The following ELOVL5 variants were observed in gnomAD, a reference collection of about 807,000 sequenced individuals.
ELOVL5 encodes very long chain fatty acid elongase 5.
A neutral mutation model predicts 38.6 loss-of-function variants in ELOVL5; 8 were observed. The observed-to-expected ratio is 0.21, with a 90% CI of 0.12 to 0.37. ELOVL5 has a LOEUF of 0.37. ELOVL5 is among the 10% of genes least tolerant of loss of function. The pLI is 1.00. For synonymous variants in ELOVL5, 127 were observed against 133.7 expected, an observed-to-expected ratio of 0.95 and a Z score of 0.34; for missense variants, 280 against 367.8, an observed-to-expected ratio of 0.76 and a Z score of 1.95.
intron 1 of ELOVL5, among the ~76,000 whole-genome samples, chr6:53,306,254 GAGAGGGA>G (rs1767550570): frequency 1.1e-3 from 1 of 904 alleles, no homozygotes; most frequent in Non-Finnish European, 1.7e-3. Context: ...GGGGAGAGGG[GAGAGGGA>G]GAGGGGAGAG....
chr6:53,316,650 A>G (rs1260336204), intron 1 of ELOVL5, among the ~76,000 whole-genome samples: 1 of 151,544 alleles, frequency 6.6e-6, no homozygotes, highest in African/African-American at 2.4e-5. Flanking sequence ...AAGGCACAGC[A>G]GGAGAGGGAA....
chr6:53,342,706 TAAAA>T (rs1769381210), intron 1 of ELOVL5, among the ~76,000 whole-genome samples: 1 of 152,192 alleles, frequency 6.6e-6, no homozygotes, highest in East Asian at 1.9e-4. Flanking sequence ...CTAAAAATCT[TAAAA>T]TAAATCAGAA....
intron 3 of ELOVL5, among the ~76,000 whole-genome samples, chr6:53,283,268 C>G (rs987746450): frequency 6.6e-6 from 1 of 152,156 alleles, no homozygotes; most frequent in Non-Finnish European, 1.5e-5. Flanking sequence ...AAAGAGAAAT[C>G]AGCTTAAATT....
intron 1 of ELOVL5, among the ~76,000 whole-genome samples, chr6:53,300,277 C>G (rs1289580360): frequency 6.6e-6 from 1 of 152,138 alleles, no homozygotes; most frequent in African/African-American, 2.4e-5. Context: ...TTTGTCAAGG[C>G]AGCCCCATAA....
intron 1 of ELOVL5, among the ~76,000 whole-genome samples, chr6:53,311,870 G>A (rs555623151): frequency 2.0e-5 from 3 of 152,284 alleles, no homozygotes; most frequent in African/African-American, 7.2e-5. Context: ...TAATGACAAT[G>A]CTCTGCAATT....
chr6:53,318,280 G>C (rs112626154), intron 1 of ELOVL5, among the ~76,000 whole-genome samples: 497 of 152,266 alleles, frequency 3.3e-3, no homozygotes, highest in Non-Finnish European at 5.3e-3. Flanking sequence ...CTGAATCCAC[G>C]TTAACCCTTC....
rs1419580298 is a variant in ELOVL5 at position 53,291,947 on chromosome 6, T to C, written c.75A>G (p.Gly25=). 1 of 1,563,168 alleles carries C rather than the reference T, an allele frequency of 6.4e-7. No individual in the cohort carries two copies. The highest frequency in any genetic ancestry group is 8.7e-7 in the Non-Finnish European group (1 of 1,150,788). The change falls in exon 3 of 8, where the codon GGA becomes GGG. Residue 25 remains glycine (G), a synonymous_variant. Transcript: ENST00000304434. ...GTATATAATTGTCCAGAAGAAACCA[T>C]CCTTTTACTCTAGTATCTGAAAAAT... is the stretch of plus-strand genomic sequence containing the variant. ...LLGPRDTRVK[G]WFLLDNYIPT...
intron 1 of ELOVL5, among the ~76,000 whole-genome samples, chr6:53,336,344 C>T (rs1238747384): frequency 6.6e-6 from 1 of 152,144 alleles, no homozygotes; most frequent in African/African-American, 2.4e-5. Context: ...CTCAATGTTG[C>T]TGCCAACCAA....
chr6:53,291,335 T>C (rs565603686), intron 3 of ELOVL5, among the ~76,000 whole-genome samples: 10 of 152,332 alleles, frequency 6.6e-5, no homozygotes, highest in African/African-American at 2.2e-4. Flanking sequence ...GAGAGGGTGA[T>C]GTGCCACAAA....
intron 5 of ELOVL5, among the ~76,000 whole-genome samples, chr6:53,274,145 T>C (rs995196226): frequency 1.3e-5 from 2 of 152,190 alleles, no homozygotes; most frequent in Non-Finnish European, 2.9e-5. Flanking sequence ...TCCTGAAAGT[T>C]CTCTGAAAAT....
Position 53,348,919 on chromosome 6 carries a change from A to C in ELOVL5, c.-111T>G, listed in dbSNP as rs1462238422. On this transcript the variant is annotated 5_prime_UTR_variant, in exon 1 of 8. Transcript: ENST00000304434. ...CGCAGAGGCGGATGTAGAAGGAGAC[A>C]CCGGTGGCTAGGACCCGCGCGATGG... The C allele has an allele frequency of 6.7e-6, 3 of 447,388 alleles. No homozygotes were observed. The highest frequency in any genetic ancestry group is 7.6e-5 in the East Asian group (1 of 13,164). 27.7% of individuals were successfully genotyped at this position (447,388 alleles called of 1,614,324 possible).
At chr6:53,272,808 T>C (rs1765973187) in intron 6 of ELOVL5, among the ~76,000 whole-genome samples, 1 of 152,202 alleles carries the variant, frequency 6.6e-6, no homozygotes, top group African/African-American at 2.4e-5. Context: ...TGCCTAGTAA[T>C]GGGCTACACA....
At chr6:53,341,081 A>G (rs1411177673) in intron 1 of ELOVL5, among the ~76,000 whole-genome samples, 1 of 152,160 alleles carries the variant, frequency 6.6e-6, no homozygotes, top group African/African-American at 2.4e-5. Context: ...GCTTTTGAAC[A>G]CTGATTTCTT....
chr6:53,342,860 T>C (rs2127595470), intron 1 of ELOVL5, among the ~76,000 whole-genome samples: 1 of 152,248 alleles, frequency 6.6e-6, no homozygotes, highest in East Asian at 1.9e-4. Context: ...CAGAAGAGGA[T>C]GGAGGAGCAA....
chr6:53,343,530 G>C lies in ELOVL5; in HGVS notation c.-9+5287C>G, dbSNP rs573886077. ...GCCCAGCCAACATCTACCTTTCTAA[G>C]ATCTAAATGATCTCACTTTCATTCT... On this transcript the variant is annotated intron_variant, in intron 1 of 7. Transcript: ENST00000304434. Among the ~76,000 whole-genome samples the C allele has an allele frequency of 8.5e-5, 13 of 152,138 alleles. No homozygotes were observed. The South Asian group carries it at 2.7e-3, about 32-fold the overall frequency.
At chr6:53,338,679 AC>A (rs1561894891) in intron 1 of ELOVL5, among the ~76,000 whole-genome samples, 1 of 152,190 alleles carries the variant, frequency 6.6e-6, no homozygotes, top group East Asian at 1.9e-4. Context: ...AAACATCTAA[AC>A]CAAAAGACTG....
chr6:53,270,292 G>C (rs1193797945), intron 7 of ELOVL5, among the ~76,000 whole-genome samples: 1 of 152,216 alleles, frequency 6.6e-6, no homozygotes, highest in Non-Finnish European at 1.5e-5. Context: ...ATTTCTGATT[G>C]AAATCACCTC....
At chr6:53,316,285 G>A in intron 1 of ELOVL5, among the ~76,000 whole-genome samples, 1 of 152,046 alleles carries the variant, frequency 6.6e-6, no homozygotes, top group East Asian at 1.9e-4. Flanking sequence ...GTAAATAACT[G>A]TAATAAAGTG....
chr6:53,291,336 G>A (rs1033036427), intron 3 of ELOVL5, among the ~76,000 whole-genome samples: 1 of 152,174 alleles, frequency 6.6e-6, no homozygotes, highest in Non-Finnish European at 1.5e-5. Context: ...AGAGGGTGAT[G>A]TGCCACAAAA....
Sources: allele counts gnomAD v4.1 joint callset (sites outside exome capture counted in the v4.1 genomes callset), GRCh38; gene constraint gnomAD v4.1.1; transcripts MANE v1.5; gene names NCBI Gene and HGNC (gene_info 2026-07-23, HGNC 2026-07-21).